MTTP: variants seen among roughly 807,000 people sequenced by gnomAD.
MTTP encodes the protein microsomal triglyceride transfer protein large subunit.
MTTP carries 49 observed loss-of-function variants against 90.6 expected under a neutral mutation model. The ratio of observed to expected loss-of-function variants is 0.54; its 90% confidence interval spans 0.43 to 0.69. The LOEUF is 0.69. Ranked by LOEUF, MTTP falls within the 30% of genes least tolerant of loss-of-function variation. The pLI is 0.00. For missense variants in MTTP, 945 were observed against 1,067.5 expected (o/e 0.89, Z 1.60); for synonymous variants, 347 against 384.2 (o/e 0.90, Z 1.13).
intron 6 of MTTP, among the ~76,000 whole-genome samples, chr4:99,592,598 C>T (rs939325295): frequency 6.7e-6 from 1 of 149,810 alleles, no homozygotes; most frequent in Non-Finnish European, 1.5e-5. Flanking sequence ...TCGGCCTACA[C>T]AAGGTCAGGA....
At chr4:99,579,616 T>C (rs985357336) in intron 1 of MTTP, among the ~76,000 whole-genome samples, 20 of 152,350 alleles carry the variant, frequency 1.3e-4, no homozygotes, top group Middle Eastern at 3.4e-3. Flanking sequence ...ACTTCTATCA[T>C]ACTATATAAC....
At chr4:99,619,387 C>T (rs1369399454) in intron 16 of MTTP, among the ~76,000 whole-genome samples, 1 of 152,080 alleles carries the variant, frequency 6.6e-6, no homozygotes, top group Non-Finnish European at 1.5e-5. Context: ...TGGTATTCCA[C>T]CAAGAGAAGA....
At chr4:99,578,321 A>G (rs1491247) in intron 1 of MTTP, among the ~76,000 whole-genome samples, 13,035 of 152,252 alleles carry the variant, frequency 0.086, 1,009 homozygotes, top group African/African-American at 0.19. Flanking sequence ...ATCAAAAAAT[A>G]TTACTATACA....
chr4:99,574,666 G>GA, upstream of MTTP: 5 of 834,066 alleles, frequency 6.0e-6, no homozygotes, highest in Non-Finnish European at 9.4e-6. Flanking sequence ...CTCATTGGGT[G>GA]AAAAAAATTA....
chr4:99,609,460 G>C (rs1486659324), intron 12 of MTTP, among the ~76,000 whole-genome samples: 1 of 152,118 alleles, frequency 6.6e-6, no homozygotes, highest in African/African-American at 2.4e-5. Context: ...GCAATCAGTA[G>C]AGTTCATCAC....
At chr4:99,572,334 G>A (rs1366678407), upstream of MTTP, among the ~76,000 whole-genome samples, 2 of 151,848 alleles carry the variant, frequency 1.3e-5, no homozygotes, top group Middle Eastern at 3.2e-3. Flanking sequence ...CAAAAATCAA[G>A]GGCTCTGTTA....
rs1446323764 is a variant in MTTP, at chr4:99,597,313, C to T, written c.1067+89C>T. 2.1e-4 allele frequency: 288 copies of T among 1,396,994 alleles called. 1 individual carries two copies. The highest frequency in any genetic ancestry group is 8.0e-6 in the Non-Finnish European group (8 of 998,736). 86.5% of individuals were successfully genotyped at this position (1,396,994 alleles called of 1,614,324 possible). A position where few individuals can be genotyped will look rare whatever the true frequency, so the allele number is the denominator to read the frequency against. ...GAAGTAAGAAAGACCCCTTTTAAAC[C>T]AACTGCCCCACCACCAAAACAATTA... On this transcript the variant is annotated intron_variant, in intron 8 of 17. Coordinates refer to ENST00000265517, the MANE Select transcript of MTTP (RefSeq NM_001386140.1).
intron 15 of MTTP, 112 bp from the exon 16 acceptor site, chr4:99,618,862 C>T: frequency 4.2e-6 from 6 of 1,416,354 alleles, no homozygotes; most frequent in Non-Finnish European, 5.9e-6. Context: ...CCAACATCAA[C>T]ACAACTCAAA....
intron 16 of MTTP, 157 bp from the exon 17 acceptor site, chr4:99,620,904 C>G (rs1184592154): frequency 2.9e-6 from 2 of 694,840 alleles, no homozygotes; most frequent in Non-Finnish European, 4.8e-6. Context: ...TGGTTACCAG[C>G]AGAACTCTAA....
At chr4:99,588,635 G>C (rs1174010234) in intron 3 of MTTP, among the ~76,000 whole-genome samples, 1 of 150,662 alleles carries the variant, frequency 6.6e-6, no homozygotes, top group Non-Finnish European at 1.5e-5. Context: ...CAGTGCCTGG[G>C]GCAGGTTATG....
At chr4:99,583,899 A>T in intron 3 of MTTP, 1 of 359,750 alleles carries the variant, frequency 2.8e-6, no homozygotes, top group Non-Finnish European at 5.0e-6. Flanking sequence ...ATGAGACTGA[A>T]ATGATCCAAC....
chr4:99,574,929 T>C lies in MTTP; in HGVS notation c.20T>C (p.Leu7Pro), dbSNP rs1454278856. The C allele has an allele frequency of 6.2e-7, 1 of 1,614,172 alleles. No homozygotes were observed. Among genetic ancestry groups the C allele is most frequent in the Non-Finnish European group, 8.5e-7 (1 of 1,180,006 alleles). The change falls in exon 1 of 18, where the codon CTT becomes CCT. Residue 7 changes from leucine (L) to proline (P), a missense_variant. Physicochemically the swap from Leu to Pro is moderately conservative, Grantham distance 98. Transcript: ENST00000265517. The part of the protein sequence containing the change: MILLAV[L>P]FLCFISSYSA... ...GTCAATATGATTCTTCTTGCTGTGC[T>C]TTTTCTCTGCTTCATTTCCTCATAT...
At chr4:99,576,168 A>C (rs970303673) in intron 1 of MTTP, among the ~76,000 whole-genome samples, 9 of 152,120 alleles carry the variant, frequency 5.9e-5, no homozygotes, top group Non-Finnish European at 1.0e-4. Flanking sequence ...AATGAGAAGA[A>C]GATTTATAAA....
At chr4:99,619,880 C>A (rs1420900663) in intron 16 of MTTP, among the ~76,000 whole-genome samples, 1 of 152,158 alleles carries the variant, frequency 6.6e-6, no homozygotes. Context: ...TGACACTGGT[C>A]ATCAAAAGGT....
chr4:99,581,074 G>C (rs999373128), intron 1 of MTTP, among the ~76,000 whole-genome samples: 1 of 152,150 alleles, frequency 6.6e-6, no homozygotes, highest in Non-Finnish European at 1.5e-5. Flanking sequence ...TCTCCTGAGA[G>C]CCATACATAG....
intron 3 of MTTP, among the ~76,000 whole-genome samples, chr4:99,586,099 C>T (rs946993152): frequency 3.3e-5 from 5 of 152,074 alleles, no homozygotes. Context: ...AATTTTTGTC[C>T]TTCCAGACCT....
upstream of MTTP, among the ~76,000 whole-genome samples, chr4:99,570,305 TTC>T (rs966484220): frequency 1.3e-5 from 2 of 152,058 alleles, no homozygotes; most frequent in Non-Finnish European, 2.9e-5. Flanking sequence ...CACAAGTATT[TTC>T]TCTCAGCACA....
rs755877714 is a variant in MTTP at position 99,611,123 on chromosome 4, T to A, written c.1770-20T>A. 1.9e-6 allele frequency: 3 copies of A among 1,605,124 alleles called. No individual in the cohort carries two copies. In the East Asian group the frequency reaches 6.7e-5, roughly 36 times the overall value. On this transcript the variant is annotated intron_variant, in intron 12 of 17. Transcript: ENST00000265517. ...TCATTACAATGAATGTGCAGCTTTT[T>A]TTTTCCTCATATGTTGCAGCAAAAT...
At chr4:99,599,790 A>G (rs1725650926) in intron 8 of MTTP, among the ~76,000 whole-genome samples, 2 of 152,210 alleles carry the variant, frequency 1.3e-5, no homozygotes, top group African/African-American at 4.8e-5. Flanking sequence ...GTTATGATCA[A>G]AATAGTACAA....
Sources: gnomAD v4.1 joint callset for allele counts (sites outside exome capture counted in the v4.1 genomes callset) on GRCh38, gnomAD v4.1.1 for gene constraint, MANE v1.5 for transcripts, NCBI Gene and HGNC (gene_info 2026-07-23, HGNC 2026-07-21) for gene names.